The following DPP10 variants were observed in gnomAD, a reference collection of about 807,000 sequenced individuals.
The protein encoded by DPP10 is dipeptidyl peptidase like 10, also known as inactive dipeptidyl peptidase 10.
Under a neutral mutation model 120.9 loss-of-function variants are expected in DPP10, and 33 were observed. The observed-to-expected ratio is 0.27, with a 90% CI of 0.21 to 0.37. The LOEUF is 0.37. DPP10 is among the 10% of genes least tolerant of loss of function. The pLI is 1.00. For missense variants in DPP10, 816 were observed against 942.8 expected (o/e 0.87, Z 1.76); for synonymous variants, 337 against 326.1 (o/e 1.03, Z -0.36).
chr2:114,778,165 C>A (rs768456115), intron 1 of DPP10, among the ~76,000 whole-genome samples: 1 of 152,016 alleles, frequency 6.6e-6, no homozygotes, highest in Non-Finnish European at 1.5e-5. Context: ...TCATTCATTA[C>A]CCTAATCATT....
At chr2:115,751,797 T>A (rs1867815) in intron 10 of DPP10, among the ~76,000 whole-genome samples, 51 of 149,734 alleles carry the variant, frequency 3.4e-4, no homozygotes, top group Admixed American at 1.2e-3. Context: ...GTGTTTTTTT[T>A]TTGTTGTTTT....
intron 12 of DPP10, among the ~76,000 whole-genome samples, chr2:115,764,123 A>C (rs992901283): frequency 8.6e-5 from 13 of 150,408 alleles, no homozygotes; most frequent in African/African-American, 3.2e-4. Context: ...AATTATTGCT[A>C]TGATTTTTTT....
intron 1 of DPP10, among the ~76,000 whole-genome samples, chr2:114,812,588 A>ACACACACACACACACACG (rs1685270193): frequency 1.3e-5 from 2 of 148,546 alleles, no homozygotes; most frequent in African/African-American, 5.1e-5. Flanking sequence ...ACATTGACAC[A>ACACACACACACACACACG]CACACACACA....
intron 1 of DPP10, among the ~76,000 whole-genome samples, chr2:115,305,126 T>C (rs1011391674): frequency 5.9e-5 from 9 of 152,004 alleles, no homozygotes; most frequent in African/African-American, 2.2e-4. Flanking sequence ...GATCATTTAA[T>C]GTTTGCCCCT....
rs752991108 is a variant in DPP10, at chr2:114,942,298, C to CATATATATAT, written c.61-366927_61-366918dup. Among the ~76,000 whole-genome samples the CATATATATAT allele has an allele frequency of 1.6e-3, 172 of 104,658 alleles. 1 individual carries two copies. Among genetic ancestry groups the CATATATATAT allele is most frequent in the African/African-American group, 6.5e-3 (164 of 25,240 alleles). 68.7% of individuals were successfully genotyped at this position (104,658 alleles called of 152,430 possible). On this transcript the variant is annotated intron_variant, in intron 1 of 25. Transcript: ENST00000410059. ...AAAAAAAAAAATGTGTATATATATA[C>CATATATATAT]ATATATATATATATATATATATACA...
chr2:115,737,817 A>G (rs1676756264), intron 8 of DPP10, among the ~76,000 whole-genome samples: 1 of 152,222 alleles, frequency 6.6e-6, no homozygotes. Context: ...TGACTTTAGA[A>G]GAGATATCCC....
At chr2:114,731,395 T>C (rs1469098018) in intron 1 of DPP10, among the ~76,000 whole-genome samples, 1 of 152,162 alleles carries the variant, frequency 6.6e-6, no homozygotes, top group Non-Finnish European at 1.5e-5. Flanking sequence ...TTTAATTTGG[T>C]TTCAAGGTCT....
At chr2:115,037,401 AT>A (rs1472639726) in intron 1 of DPP10, among the ~76,000 whole-genome samples, 2 of 152,178 alleles carry the variant, frequency 1.3e-5, no homozygotes, top group African/African-American at 2.4e-5. Flanking sequence ...TTTCAGGTGA[AT>A]TTTTAATTCA....
Position 115,455,994 on chromosome 2 carries a change from G to A in DPP10, c.272-43516G>A, listed in dbSNP as rs750666863. 5.3e-5 allele frequency among the ~76,000 whole-genome samples: 8 copies of A among 152,090 alleles called. No homozygotes were observed. In the South Asian group the frequency reaches 6.2e-4, roughly 12 times the overall value. On this transcript the variant is annotated intron_variant, in intron 3 of 25. Transcript: ENST00000410059. Reference sequence around the variant, plus strand: ...GATCTAACTAAACTAAAGAGTTTCTGCACAGCAAAAGAAACTACCATCAGA... The same window carrying A: ...GATCTAACTAAACTAAAGAGTTTCTACACAGCAAAAGAAACTACCATCAGA...
At chr2:114,890,445 G>A (rs1223549995) in intron 1 of DPP10, among the ~76,000 whole-genome samples, 1 of 152,076 alleles carries the variant, frequency 6.6e-6, no homozygotes, top group African/African-American at 2.4e-5. Context: ...TCAAGATCAG[G>A]GGCTTTGAAA....
intron 1 of DPP10, among the ~76,000 whole-genome samples, chr2:114,808,261 A>T (rs913485604): frequency 1.3e-5 from 2 of 152,170 alleles, no homozygotes; most frequent in African/African-American, 4.8e-5. Flanking sequence ...TAATTTAATT[A>T]TTCATTCTGT....
chr2:114,653,982 A>G (rs1264270274), intron 1 of DPP10, among the ~76,000 whole-genome samples: 1 of 152,158 alleles, frequency 6.6e-6, no homozygotes, highest in East Asian at 1.9e-4. Flanking sequence ...CTCCAGGGTT[A>G]TTTCCAAAAG....
chr2:115,446,591 A>C (rs72959748), intron 3 of DPP10, among the ~76,000 whole-genome samples: 2,372 of 152,236 alleles, frequency 0.016, 62 homozygotes, highest in African/African-American at 0.054. Context: ...AGCTTATCAC[A>C]GGCTCGGAAT....
intron 1 of DPP10, among the ~76,000 whole-genome samples, chr2:114,780,053 G>A (rs1214558896): frequency 2.0e-5 from 3 of 151,914 alleles, no homozygotes; most frequent in African/African-American, 4.8e-5. Context: ...GGAGAATGGT[G>A]TGAACCCGGG....
At chr2:115,316,314 T>C (rs998127982) in intron 2 of DPP10, among the ~76,000 whole-genome samples, 3 of 152,224 alleles carry the variant, frequency 2.0e-5, no homozygotes, top group Non-Finnish European at 4.4e-5. Flanking sequence ...ACATGTGTCA[T>C]AATCCTTGTA....
intron 1 of DPP10, among the ~76,000 whole-genome samples, chr2:114,521,510 T>C (rs1406249402): frequency 3.3e-5 from 5 of 151,966 alleles, no homozygotes; most frequent in African/African-American, 7.2e-5. Context: ...AAGTCAGACA[T>C]AGAAGATACA....
rs577447849 is a variant in DPP10, at chr2:115,231,970, A to G, written c.61-77269A>G. On this transcript the variant is annotated intron_variant, in intron 1 of 25. Transcript: ENST00000410059. ...TTGTGGGTGAGTTTTATGCCCCCTAAAGAAATCACTGGTGTAGACTCCTGC... is the reference window on the plus strand; with the variant it reads ...TTGTGGGTGAGTTTTATGCCCCCTAGAGAAATCACTGGTGTAGACTCCTGC... Among the ~76,000 whole-genome samples, 4 of 152,252 alleles carry G rather than the reference A, an allele frequency of 2.6e-5. No individual in the cohort carries two copies. In the East Asian group the frequency reaches 7.7e-4, roughly 29 times the overall value.
chr2:114,924,944 G>A (rs1188513449), intron 1 of DPP10, among the ~76,000 whole-genome samples: 1 of 152,172 alleles, frequency 6.6e-6, no homozygotes, highest in Non-Finnish European at 1.5e-5. Flanking sequence ...GGGCACGGTG[G>A]CTCACGCCAG....
At chr2:114,493,594 C>T (rs1380173905) in intron 1 of DPP10, among the ~76,000 whole-genome samples, 1 of 150,958 alleles carries the variant, frequency 6.6e-6, no homozygotes, top group Non-Finnish European at 1.5e-5. Context: ...GCATGGGATG[C>T]AATGAAGTAG....
Sources: allele counts gnomAD v4.1 joint callset (sites outside exome capture counted in the v4.1 genomes callset), GRCh38; gene constraint gnomAD v4.1.1; transcripts MANE v1.5; gene names NCBI Gene and HGNC (gene_info 2026-07-23, HGNC 2026-07-21).